The following ADARB1 variants were observed in gnomAD, a reference collection of about 807,000 sequenced individuals.
ADARB1 encodes double-stranded RNA-specific editase 1.
A neutral mutation model predicts 52.4 loss-of-function variants in ADARB1; 10 were observed. The observed-to-expected ratio is 0.19, with a 90% CI of 0.12 to 0.32. The LOEUF is 0.32. Ranked by LOEUF, ADARB1 falls within the 10% of genes least tolerant of loss-of-function variation. The pLI is 1.00. For synonymous variants in ADARB1, 349 were observed against 371.1 expected (o/e 0.94, Z 0.68); for missense variants, 643 against 922.3 (o/e 0.70, Z 3.92).
rs966523751 is a variant in ADARB1 at position 45,223,671 on chromosome 21, T to A, written c.*1474T>A. The A allele has an allele frequency of 6.1e-6, 6 of 985,398 alleles. No individual in the cohort carries two copies. The allele number at this position is 985,398 out of a possible 1,614,324, so 61.0% of individuals were successfully genotyped here. A position where few individuals can be genotyped will look rare whatever the true frequency, so the allele number is the denominator to read the frequency against. ...GAAATCCAGGGTGTTGGCACCTGTGTGTCCGTGATGAGCCTAGGAAACCAG... is the reference window on the plus strand; with the variant it reads ...GAAATCCAGGGTGTTGGCACCTGTGAGTCCGTGATGAGCCTAGGAAACCAG... On this transcript the variant is annotated 3_prime_UTR_variant, in exon 11 of 11. Transcript: ENST00000348831.
chr21:45,132,929 C>T (rs2089044355), intron 2 of ADARB1, among the ~76,000 whole-genome samples: 1 of 152,200 alleles, frequency 6.6e-6, no homozygotes, highest in Non-Finnish European at 1.5e-5. Flanking sequence ...TTAGAAAATA[C>T]ACCATAAAAG....
At chr21:45,166,777 A>G (rs941307895) in intron 2 of ADARB1, among the ~76,000 whole-genome samples, 3 of 152,272 alleles carry the variant, frequency 2.0e-5, no homozygotes, top group Non-Finnish European at 2.9e-5. Context: ...GTCAAGTTCA[A>G]TGTTCTTCCA....
intron 2 of ADARB1, chr21:45,132,373 C>T (rs2089002338): frequency 6.6e-6 from 1 of 152,234 alleles, no homozygotes; most frequent in Non-Finnish European, 1.5e-5. Flanking sequence ...TAGCCTCTGT[C>T]ATTCCAGAGA....
At chr21:45,203,092 CCT>C (rs1253140201) in intron 8 of ADARB1, among the ~76,000 whole-genome samples, 1 of 152,258 alleles carries the variant, frequency 6.6e-6, no homozygotes, top group East Asian at 1.9e-4. Flanking sequence ...CAGCCCCTCC[CCT>C]GAGACACTCC....
intron 8 of ADARB1, among the ~76,000 whole-genome samples, chr21:45,185,492 A>G (rs1232287751): frequency 6.6e-6 from 1 of 152,194 alleles, no homozygotes; most frequent in African/African-American, 2.4e-5. Flanking sequence ...GGTAGTTGAT[A>G]TGTGCATTTT....
intron 2 of ADARB1, chr21:45,145,305 G>A (rs2089953575): frequency 6.6e-6 from 1 of 152,506 alleles, no homozygotes; most frequent in African/African-American, 2.4e-5. Flanking sequence ...GTCAGTCAAG[G>A]GGCAGAAAGG....
At chr21:45,083,691 T>TA in intron 1 of ADARB1, among the ~76,000 whole-genome samples, 1 of 152,332 alleles carries the variant, frequency 6.6e-6, no homozygotes, top group South Asian at 2.1e-4. Context: ...TTAAAGGAAT[T>TA]ACACATCTTT....
At chr21:45,088,302 C>T (rs1360203251) in intron 1 of ADARB1, among the ~76,000 whole-genome samples, 1 of 152,128 alleles carries the variant, frequency 6.6e-6, no homozygotes, top group Non-Finnish European at 1.5e-5. Context: ...GAGTCTGGAA[C>T]CTCTGATGAT....
chr21:45,119,981 C>T (rs947119454), intron 1 of ADARB1, among the ~76,000 whole-genome samples: 1 of 152,240 alleles, frequency 6.6e-6, no homozygotes, highest in South Asian at 2.1e-4. Context: ...CCCACGTGGG[C>T]GCATTACCAA....
intron 1 of ADARB1, among the ~76,000 whole-genome samples, chr21:45,092,025 A>G (rs943338432): frequency 2.0e-5 from 3 of 152,210 alleles, no homozygotes; most frequent in African/African-American, 4.8e-5. Context: ...GACCCTAGAG[A>G]TCAACATCCT....
chr21:45,120,336 C>A (rs966908397), intron 1 of ADARB1, among the ~76,000 whole-genome samples: 1 of 152,174 alleles, frequency 6.6e-6, no homozygotes, highest in Non-Finnish European at 1.5e-5. Context: ...TTTACATTTT[C>A]GTTAGAAAAA....
chr21:45,187,193 T>C (rs1441222562), intron 8 of ADARB1, among the ~76,000 whole-genome samples: 2 of 152,242 alleles, frequency 1.3e-5, no homozygotes, highest in Non-Finnish European at 1.5e-5. Flanking sequence ...TTCATTTCTT[T>C]CAGCAGTGTT....
chr21:45,125,516 C>A (rs2088519321), intron 1 of ADARB1, among the ~76,000 whole-genome samples: 1 of 152,260 alleles, frequency 6.6e-6, no homozygotes, highest in African/African-American at 2.4e-5. Flanking sequence ...TGGAATCTGG[C>A]TTCCTCTTCA....
rs1238453196 is a variant in ADARB1, at chr21:45,222,748, CTT to C, written c.*554_*555del. 1.0e-6 allele frequency: 1 copy of C among 985,854 alleles called. No homozygotes were observed. The highest frequency in any genetic ancestry group is 1.1e-4 in the East Asian group (1 of 8,820). 61.1% of individuals were successfully genotyped at this position (985,854 alleles called of 1,614,324 possible). On this transcript the variant is annotated 3_prime_UTR_variant, in exon 11 of 11. Transcript: ENST00000348831. The stretch of plus-strand genomic sequence containing the variant: ...CACACGTCTGTCTAAACTTAGGTCT[CTT>C]TTCTCCGTAGGTACCTCCCTGGGTA...
chr21:45,187,320 T>C (rs572033105), intron 8 of ADARB1, among the ~76,000 whole-genome samples: 1 of 152,346 alleles, frequency 6.6e-6, no homozygotes, highest in Non-Finnish European at 1.5e-5. Context: ...GATCATTCAT[T>C]GTTAGTGCAT....
intron 8 of ADARB1, among the ~76,000 whole-genome samples, chr21:45,190,705 G>A (rs563425148): frequency 3.9e-4 from 60 of 152,272 alleles, no homozygotes; most frequent in African/African-American, 1.4e-3. Flanking sequence ...TAGCTCTAAT[G>A]TGCTGCTTGC....
At chr21:45,144,736 A>G in intron 2 of ADARB1, 2 of 423,524 alleles carry the variant, frequency 4.7e-6, no homozygotes, top group Non-Finnish European at 4.7e-6. Flanking sequence ...AAATGAATTA[A>G]TATGCAGTAA....
intron 2 of ADARB1, among the ~76,000 whole-genome samples, chr21:45,158,096 C>T (rs532170431): frequency 5.1e-4 from 78 of 152,184 alleles, no homozygotes; most frequent in Non-Finnish European, 8.7e-4. Context: ...CTGGGAGCCA[C>T]ACAGGGACAG....
At chr21:45,144,697 C>T in intron 2 of ADARB1, 2 of 447,394 alleles carry the variant, frequency 4.5e-6, no homozygotes, top group South Asian at 1.6e-5. Flanking sequence ...ATTGCTTCAA[C>T]TCTGGTAACT....
Sources: gnomAD v4.1 joint callset for allele counts (sites outside exome capture counted in the v4.1 genomes callset) on GRCh38, gnomAD v4.1.1 for gene constraint, MANE v1.5 for transcripts, NCBI Gene and HGNC (gene_info 2026-07-23, HGNC 2026-07-21) for gene names.